Variants in RASAL2 observed in about 807,000 individuals in gnomAD.
RASAL2 encodes RAS protein activator like 2.
A neutral mutation model predicts 128.9 loss-of-function variants in RASAL2; 58 were observed. The ratio of observed to expected loss-of-function variants is 0.45; its 90% CI spans 0.36 to 0.56. The LOEUF (loss-of-function observed/expected upper bound fraction) is 0.56. RASAL2 is among the 20% of genes least tolerant of loss of function. The pLI is 0.00. For synonymous variants in RASAL2, 561 were observed against 580.8 expected (o/e 0.97, Z 0.49); for missense variants, 1,360 against 1,601.6 (o/e 0.85, Z 2.57).
chr1:178,373,245 G>T (rs1185889613), intron 3 of RASAL2, among the ~76,000 whole-genome samples: 5 of 73,478 alleles, frequency 6.8e-5, no homozygotes, highest in Admixed American at 1.6e-4. Context: ...TTTCAATTCT[G>T]TTGTCAATCT....
intron 1 of RASAL2, among the ~76,000 whole-genome samples, chr1:178,229,391 G>A (rs1488456073): frequency 6.6e-6 from 1 of 151,960 alleles, no homozygotes; most frequent in East Asian, 1.9e-4. Flanking sequence ...TCTGTCATTA[G>A]TCTCTTTGAA....
intron 1 of RASAL2, among the ~76,000 whole-genome samples, chr1:178,214,655 T>G (rs1045395805): frequency 6.6e-6 from 1 of 151,458 alleles, no homozygotes; most frequent in African/African-American, 2.4e-5. Context: ...GCCTCCTGGG[T>G]TCATGCCATT....
At chr1:178,460,729 C>T (rs1181650427) in intron 14 of RASAL2, among the ~76,000 whole-genome samples, 11 of 151,910 alleles carry the variant, frequency 7.2e-5, no homozygotes, top group Admixed American at 5.9e-4. Context: ...CATAAATCAC[C>T]GTATTTTGAT....
rs200841437 is a variant in RASAL2 at position 178,445,513 on chromosome 1, A to G, written c.1483-5A>G. 1.2e-6 allele frequency: 2 copies of G among 1,612,436 alleles called. No homozygotes were observed. Among genetic ancestry groups the G allele is most frequent in the East Asian group, 2.2e-5 (1 of 44,816 alleles). ...TTTCTGCCTGATTGAACATTATTCT[A>G]CCAGGATTTTCTGACTGACTTGGTG... On this transcript the variant is annotated splice_region_variant and splice_polypyrimidine_tract_variant and intron_variant, in intron 8 of 17. Transcript: ENST00000367649.
intron 1 of RASAL2, among the ~76,000 whole-genome samples, chr1:178,252,315 C>G (rs1317977145): frequency 6.6e-6 from 1 of 151,964 alleles, no homozygotes; most frequent in African/African-American, 2.4e-5. Flanking sequence ...AGTATACTCA[C>G]TCTGAAATCT....
At chr1:178,116,573 A>G (rs187212991) in intron 1 of RASAL2, among the ~76,000 whole-genome samples, 1 of 152,158 alleles carries the variant, frequency 6.6e-6, no homozygotes, top group Admixed American at 6.5e-5. Flanking sequence ...TTAAATATGA[A>G]TCTTTGCTCA....
chr1:178,464,448 C>T, intron 15 of RASAL2, 36 bp downstream of exon 15: 2 of 1,604,924 alleles, frequency 1.2e-6, no homozygotes, highest in South Asian at 2.2e-5. Context: ...TTTCTGATCC[C>T]AAAATGACAG....
chr1:178,366,060 A>G (rs1372674126), intron 3 of RASAL2, among the ~76,000 whole-genome samples: 1 of 152,158 alleles, frequency 6.6e-6, no homozygotes, highest in East Asian at 1.9e-4. Context: ...TAAAATGTCA[A>G]CCAACATCAA....
intron 1 of RASAL2, among the ~76,000 whole-genome samples, chr1:178,196,670 C>T (rs999749423): frequency 6.6e-6 from 1 of 152,140 alleles, no homozygotes; most frequent in East Asian, 1.9e-4. Context: ...ACTACACCAT[C>T]TTATATAAGA....
intron 3 of RASAL2, among the ~76,000 whole-genome samples, chr1:178,311,910 AT>A (rs1668274174): frequency 6.6e-6 from 1 of 152,176 alleles, no homozygotes; most frequent in Non-Finnish European, 1.5e-5. Flanking sequence ...CTTTAAAAAA[AT>A]GATTGATATC....
intron 5 of RASAL2, among the ~76,000 whole-genome samples, chr1:178,424,435 C>A (rs1471055184): frequency 6.6e-6 from 1 of 151,550 alleles, no homozygotes; most frequent in Non-Finnish European, 1.5e-5. Context: ...TTGAGATAAA[C>A]CACAAACCTT....
chr1:178,169,067 A>G (rs962664278), intron 1 of RASAL2, among the ~76,000 whole-genome samples: 1 of 152,124 alleles, frequency 6.6e-6, no homozygotes, highest in African/African-American at 2.4e-5. Flanking sequence ...TAGAAGATAT[A>G]ATCTTTGATT....
chr1:178,448,130 T>C (rs1398259026), intron 9 of RASAL2, among the ~76,000 whole-genome samples: 1 of 151,760 alleles, frequency 6.6e-6, no homozygotes, highest in African/African-American at 2.4e-5. Context: ...GATCTTAGAG[T>C]GCACCTGGGT....
intron 1 of RASAL2, among the ~76,000 whole-genome samples, chr1:178,197,759 T>G (rs1178713703): frequency 6.6e-6 from 1 of 152,212 alleles, no homozygotes; most frequent in African/African-American, 2.4e-5. Context: ...TGCAGGTTTG[T>G]TACATGTGTA....
intron 1 of RASAL2, among the ~76,000 whole-genome samples, chr1:178,183,097 A>G (rs1662171114): frequency 6.6e-6 from 1 of 152,154 alleles, no homozygotes; most frequent in Non-Finnish European, 1.5e-5. Flanking sequence ...ACAGGCCCTA[A>G]CAGGCCATGG....
At chr1:178,345,642 A>G (rs1285353796) in intron 3 of RASAL2, among the ~76,000 whole-genome samples, 1 of 152,072 alleles carries the variant, frequency 6.6e-6, no homozygotes, top group East Asian at 1.9e-4. Flanking sequence ...CAGATCAGAG[A>G]AGGTAAGATG....
chr1:178,275,243 A>G (rs1260322065), intron 1 of RASAL2, among the ~76,000 whole-genome samples: 4 of 152,208 alleles, frequency 2.6e-5, no homozygotes, highest in African/African-American at 9.6e-5. Flanking sequence ...TGCAGTGGCT[A>G]TTGAGAGCAC....
intron 2 of RASAL2, among the ~76,000 whole-genome samples, chr1:178,297,974 T>A (rs1165348638): frequency 6.6e-6 from 1 of 152,180 alleles, no homozygotes; most frequent in Non-Finnish European, 1.5e-5. Context: ...ACTTTTTTTC[T>A]GCATGGTTTA....
At chr1:178,433,730 T>C (rs1676076026) in intron 5 of RASAL2, among the ~76,000 whole-genome samples, 1 of 151,960 alleles carries the variant, frequency 6.6e-6, no homozygotes, top group Non-Finnish European at 1.5e-5. Flanking sequence ...CTGGCCAACA[T>C]GGTAAAACCC....
Sources: allele counts gnomAD v4.1 joint callset (sites outside exome capture counted in the v4.1 genomes callset), GRCh38; gene constraint gnomAD v4.1.1; transcripts MANE v1.5; gene names NCBI Gene and HGNC (gene_info 2026-07-23, HGNC 2026-07-21).